STRA6: variants seen among roughly 807,000 people sequenced by gnomAD.
STRA6 encodes signaling receptor and transporter of retinol STRA6.
A neutral mutation model predicts 83.6 loss-of-function variants in STRA6; 48 were observed. The ratio of observed to expected loss-of-function variants is 0.57; its 90% CI spans 0.46 to 0.73. The LOEUF is 0.73. Ranked by LOEUF, STRA6 falls within the 30% of genes least tolerant of loss-of-function variation. The probability of loss-of-function intolerance (pLI) is 0.00; values close to 1 mark genes in which losing one functional copy is unlikely to be tolerated. For missense variants in STRA6, 760 were observed against 838.8 expected (o/e 0.91, Z 1.16); for synonymous variants, 353 against 362.3 (o/e 0.97, Z 0.29).
At position 74,182,872 on chromosome 15, in the gene STRA6, A is replaced by G. The variant is rs531146600; in HGVS notation, c.1301-412T>C. 1.6e-5 allele frequency: 4 copies of G among 250,996 alleles called. No individual in the cohort carries two copies. In the South Asian group the frequency reaches 2.2e-4, roughly 14 times the overall value. The allele number at this position is 250,996 out of a possible 1,614,324, so 15.5% of individuals were successfully genotyped here. ...AGGTGCCCAAGGACTGTCTATTGAA[A>G]TAATCTGGCCAACTGATTAGAGAAT... On this transcript the variant is annotated intron_variant, in intron 14 of 18. Transcript: ENST00000395105.
chr15:74,188,162 C>T lies in STRA6; in HGVS notation c.1090+953G>A, dbSNP rs757586657. Among the ~76,000 whole-genome samples the T allele has an allele frequency of 6.6e-6, 1 of 152,156 alleles. No individual in the cohort carries two copies. The highest frequency in any genetic ancestry group is 1.5e-5 in the Non-Finnish European group (1 of 68,032). The stretch of plus-strand genomic sequence containing the variant: ...TGGTCAGGGAAGGAAGTGGTCACTC[C>T]GTGCACCTCTGCCCACCCCCCACTC... On this transcript the variant is annotated intron_variant, in intron 12 of 18. Transcript: ENST00000395105. This position sits in a 1 kb window ranked among gnomAD's most constrained non-coding sequence, Gnocchi z 4.5.
upstream of STRA6, among the ~76,000 whole-genome samples, chr15:74,207,359 G>C (rs2142111031): frequency 6.6e-6 from 1 of 152,166 alleles, no homozygotes; most frequent in South Asian, 2.1e-4. Flanking sequence ...GCCATAAGAA[G>C]CCCTGCAACC....
At chr15:74,207,762 C>T, upstream of STRA6, 1 of 1,535,710 alleles carries the variant, frequency 6.5e-7, no homozygotes, top group Non-Finnish European at 8.7e-7. Flanking sequence ...TCATGCGGGC[C>T]CGTGAGCTTG....
chr15:74,209,686 A>G, upstream of STRA6: 1 of 523,966 alleles, frequency 1.9e-6, no homozygotes, highest in Non-Finnish European at 3.4e-6. Flanking sequence ...AGTCGGCTGC[A>G]TCCCCCCTCA....
chr15:74,194,325 T>C, intron 7 of STRA6: 1 of 1,145,632 alleles, frequency 8.7e-7, no homozygotes, highest in Non-Finnish European at 1.1e-6. Context: ...GGAAAGTCTA[T>C]GCCCTACTCC....
intron 2 of STRA6, 74 bp downstream of exon 2, chr15:74,202,081 C>G: frequency 5.1e-6 from 7 of 1,378,620 alleles, no homozygotes; most frequent in Non-Finnish European, 6.6e-6. Flanking sequence ...GAGCTGCTCC[C>G]TGGCCAGTTG....
intron 8 of STRA6, chr15:74,192,129 G>C (rs1484492773): frequency 2.5e-5 from 4 of 159,930 alleles, no homozygotes; most frequent in African/African-American, 4.8e-5. Context: ...TCAGCTCAAA[G>C]CTTGATGGGG....
At position 74,181,301 on chromosome 15, in the gene STRA6, C is replaced by T. The variant is rs397514638; in HGVS notation, c.1678G>A (p.Asp560Asn). 4.3e-6 allele frequency: 7 copies of T among 1,612,946 alleles called. No homozygotes were observed. Among genetic ancestry groups the T allele is most frequent in the Non-Finnish European group, 5.9e-6 (7 of 1,179,816 alleles). ...CCCCGCCCAGTGACCTTACCGGGGT[C>T]GAGAGTGGCGGCTCTCGGTGGCAGC... ...SLLPPRAATL[D>N]PGYYTYRNFL... Residue 560 changes from aspartate (D) to asparagine (N), a missense_variant, in exon 17 of 19, where the codon GAC becomes AAC. Transcript: ENST00000395105.
At position 74,202,300 on chromosome 15, in the gene STRA6, A is replaced by AG. The variant is rs778500152; in HGVS notation, c.-15-19dup. 1.7e-5 allele frequency: 27 copies of AG among 1,561,694 alleles called. No homozygotes were observed. The highest frequency in any genetic ancestry group is 2.2e-5 in the Non-Finnish European group (25 of 1,160,956). ...CCCTTCTCCTTTGACCCCAGGCGAG[A>AG]GAAAAAAAAAGCCACTACAGATGTG... On this transcript the variant is annotated intron_variant, in intron 1 of 18. Transcript: ENST00000395105.
At chr15:74,198,089 G>A (rs1244227871) in intron 2 of STRA6, among the ~76,000 whole-genome samples, 3 of 151,916 alleles carry the variant, frequency 2.0e-5, no homozygotes, top group Non-Finnish European at 4.4e-5. Flanking sequence ...AGACCGGCTC[G>A]GCCTGATCAC....
upstream of STRA6, among the ~76,000 whole-genome samples, chr15:74,204,597 A>C (rs1207475745): frequency 6.6e-6 from 1 of 152,206 alleles, no homozygotes; most frequent in Non-Finnish European, 1.5e-5. Context: ...CTCCCTCTAC[A>C]AGGCAGCAGT....
chr15:74,198,170 G>A lies in STRA6; in HGVS notation c.114-352C>T, dbSNP rs187369250. On this transcript the variant is annotated intron_variant, in intron 2 of 18. Coordinates refer to ENST00000395105, the MANE Select transcript of STRA6 (RefSeq NM_022369.4). ...CACCCAGGCTGGAGTGCAGTGGCTCGATCTCGGCTTACTGCAGCCTCAGCC... is the reference window on the plus strand; with the variant it reads ...CACCCAGGCTGGAGTGCAGTGGCTCAATCTCGGCTTACTGCAGCCTCAGCC... Among the ~76,000 whole-genome samples the A allele has an allele frequency of 1.5e-3, 227 of 151,652 alleles. 1 individual carries two copies. The highest frequency in any genetic ancestry group is 4.8e-3 in the African/African-American group (200 of 41,326).
At chr15:74,203,352 G>A, upstream of STRA6, 1 of 301,866 alleles carries the variant, frequency 3.3e-6, no homozygotes, top group Non-Finnish European at 4.9e-6. Flanking sequence ...GAGGTTGAGG[G>A]TGAGCAAGGG....
upstream of STRA6, chr15:74,207,648 A>G: frequency 6.7e-7 from 1 of 1,494,216 alleles, no homozygotes; most frequent in Non-Finnish European, 9.0e-7. Flanking sequence ...ACGGAAGAGA[A>G]CACGCAAGAG....
chr15:74,182,204 C>T lies in STRA6; in HGVS notation c.1477G>A (p.Val493Ile), dbSNP rs779317989. Residue 493 changes from valine (V) to isoleucine (I), a missense_variant, in exon 16 of 19, where the codon GTC becomes ATC. Val to Ile is a conservative substitution (Grantham distance 29). Transcript: ENST00000395105. ...TGTCCATCATGAGTCTCCAGGAAGA[C>T]CCAATGGGCTGCCATGTTCTGCAGG... Reference protein sequence around the residue: ...VILQNMAAHWVFLETHDGHPQ... With the variant: ...VILQNMAAHWIFLETHDGHPQ... 5.6e-6 allele frequency: 9 copies of T among 1,614,054 alleles called. No individual in the cohort carries two copies. The highest frequency in any genetic ancestry group is 7.6e-6 in the Non-Finnish European group (9 of 1,180,018).
intron 12 of STRA6, among the ~76,000 whole-genome samples, chr15:74,186,661 C>A (rs1041505946): frequency 3.3e-5 from 5 of 152,128 alleles, no homozygotes; most frequent in African/African-American, 1.2e-4. Context: ...ATCCCAGCTA[C>A]TCGGGAGGCT....
upstream of STRA6, among the ~76,000 whole-genome samples, chr15:74,204,519 C>T (rs2074211899): frequency 6.6e-6 from 1 of 152,242 alleles, no homozygotes; most frequent in Admixed American, 6.5e-5. Context: ...CCTTAGGGAG[C>T]AGCCAACTCC....
At chr15:74,209,696 A>C (rs1477897533), upstream of STRA6, 3 of 490,066 alleles carry the variant, frequency 6.1e-6, no homozygotes, top group South Asian at 3.2e-5. Flanking sequence ...ATCCCCCCTC[A>C]CCTGAGCACA....
chr15:74,195,249 A>T, intron 7 of STRA6, 53 bp downstream of exon 7: 1 of 1,598,954 alleles, frequency 6.3e-7, no homozygotes, highest in South Asian at 1.1e-5. Flanking sequence ...CTGTGGTTTG[A>T]GTAGGTTGCT....
Sources: gnomAD v4.1 joint callset for allele counts (sites outside exome capture counted in the v4.1 genomes callset) on GRCh38, gnomAD v4.1.1 for gene constraint, Gnocchi (gnomAD v3.1) non-coding constraint, MANE v1.5 for transcripts, NCBI Gene and HGNC (gene_info 2026-07-23, HGNC 2026-07-21) for gene names.